GFPT2: variants seen among roughly 807,000 people sequenced by gnomAD.
The protein encoded by GFPT2 is glutamine--fructose-6-phosphate aminotransferase [isomerizing] 2.
Under a neutral mutation model 85.6 loss-of-function variants are expected in GFPT2, and 62 were observed. The observed-to-expected ratio is 0.72, with a 90% CI of 0.59 to 0.90. The LOEUF (loss-of-function observed/expected upper bound fraction) is 0.90. Among genes scored for constraint, GFPT2 ranks in the 40% least tolerant of loss-of-function variants. The probability of loss-of-function intolerance (pLI) is 0.00; values close to 1 mark genes in which losing one functional copy is unlikely to be tolerated. For synonymous variants in GFPT2, 368 were observed against 344.5 expected, an observed-to-expected ratio of 1.07 and a Z score of -0.75; for missense variants, 788 against 893.4, an observed-to-expected ratio of 0.88 and a Z score of 1.50.
intron 4 of GFPT2, among the ~76,000 whole-genome samples, chr5:180,333,965 C>A (rs887784566): frequency 6.6e-6 from 1 of 152,262 alleles, no homozygotes; most frequent in Middle Eastern, 3.4e-3. Flanking sequence ...CATCTCAGGG[C>A]ACATGGTCTG....
rs752973540 is a variant in GFPT2 at position 180,329,826 on chromosome 5, C to T, written c.534+874G>A. On this transcript the variant is annotated intron_variant, in intron 6 of 18. Coordinates refer to ENST00000253778, the MANE Select transcript of GFPT2 (RefSeq NM_005110.4). ...GAGGCCCGGACCCCTCTCGTCCTCC[C>T]GCACCCTGCATGGGCCTGTGTCTGC... 3.3e-5 allele frequency among the ~76,000 whole-genome samples: 5 copies of T among 152,320 alleles called. No homozygotes were observed. In the East Asian group the frequency reaches 5.8e-4, roughly 18 times the overall value.
In GFPT2 at chr5:180,316,825, A is replaced by G; in HGVS notation, c.1091T>C (p.Ile364Thr). 1 of 1,614,108 alleles carries G rather than the reference A, an allele frequency of 6.2e-7. No homozygotes were observed. The highest frequency in any genetic ancestry group is 1.1e-5 in the South Asian group (1 of 91,078). ...CACGATGAGCCGTCGGCATCGTCGA[A>G]TCTCCTTCAAGTGGTCCTTCAAGCC... ...LGGLKDHLKE[I>T]RRCRRLIVIG... The change falls in exon 12 of 19, where the codon ATT becomes ACT. Residue 364 changes from isoleucine (I) to threonine (T), a missense_variant. Transcript: ENST00000253778.
At chr5:180,301,690 T>A in intron 18 of GFPT2, 82 bp from the exon 19 acceptor site, 1 of 1,177,166 alleles carries the variant, frequency 8.5e-7, no homozygotes, top group Non-Finnish European at 1.3e-6. Flanking sequence ...TCAGAGTACT[T>A]AAAAACAAGA....
Position 180,328,705 on chromosome 5 carries a change from CCT to C in GFPT2, c.535-369_535-368del, listed in dbSNP as rs1442595062. 6.6e-6 allele frequency among the ~76,000 whole-genome samples: 1 copy of C among 152,188 alleles called. No homozygotes were observed. The highest frequency in any genetic ancestry group is 1.5e-5 in the Non-Finnish European group (1 of 68,032). On this transcript the variant is annotated intron_variant, in intron 6 of 18. Transcript: ENST00000253778. The surrounding 1 kb of genome is among the most constrained non-coding windows in gnomAD (Gnocchi z 5.4). ...AGGGACAGCACCTACTCAGCAAGCC[CCT>C]GTGAAGTGCACTTTAGCTCAACACA...
chr5:180,301,589 A>G lies in GFPT2; in HGVS notation c.2024T>C (p.Leu675Pro). 1 of 1,613,866 alleles carries G rather than the reference A, an allele frequency of 6.2e-7. No homozygotes were observed. Among genetic ancestry groups the G allele is most frequent in the East Asian group, 2.2e-5 (1 of 44,882 alleles). ...RGYDVDFPRN[L>P]AKSVTVE ...TCATTCCACAGTTACAGACTTGGCCAGATTTCTGGGGAAGTCAACCTAAAA... is the reference window on the plus strand; with the variant it reads ...TCATTCCACAGTTACAGACTTGGCCGGATTTCTGGGGAAGTCAACCTAAAA... Residue 675 changes from leucine to proline, a missense_variant, in exon 19 of 19, where the codon CTG becomes CCG. Leu to Pro is a moderately conservative substitution (Grantham distance 98, BLOSUM62 -3). Coordinates refer to ENST00000253778, the MANE Select transcript of GFPT2 (RefSeq NM_005110.4).
At chr5:180,348,744 T>G (rs1412945205) in intron 1 of GFPT2, among the ~76,000 whole-genome samples, 3 of 151,860 alleles carry the variant, frequency 2.0e-5, no homozygotes, top group African/African-American at 4.8e-5. Flanking sequence ...TTTTTTTTTT[T>G]TTTGTTTTCT....
intron 7 of GFPT2, among the ~76,000 whole-genome samples, chr5:180,325,809 G>A (rs533770069): frequency 9.2e-5 from 14 of 152,342 alleles, no homozygotes; most frequent in African/African-American, 2.4e-4. Context: ...CGCAGATCAC[G>A]AGATCAGGAG....
At chr5:180,310,720 A>T (rs1327516814) in intron 15 of GFPT2, among the ~76,000 whole-genome samples, 1 of 151,278 alleles carries the variant, frequency 6.6e-6, no homozygotes, top group African/African-American at 2.4e-5. Context: ...CATCAAGGCC[A>T]TTCTTAAGGG....
At position 180,318,844 on chromosome 5, in the gene GFPT2, G is replaced by A. The variant is rs1764063822; in HGVS notation, c.907C>T (p.Pro303Ser). 3 of 1,614,012 alleles carry A rather than the reference G, an allele frequency of 1.9e-6. No individual in the cohort carries two copies. In the African/African-American group the frequency reaches 4.0e-5, roughly 22 times the overall value. Residue 303 changes from proline (P) to serine (S), a missense_variant, in exon 10 of 19, where the codon CCA (proline) becomes TCA (serine). Physicochemically the swap from Pro to Ser is moderately conservative, Grantham distance 74 (BLOSUM62 -1). Transcript: ENST00000253778. This position sits in a 1 kb window ranked among gnomAD's most constrained non-coding sequence, Gnocchi z 4.2. ...HRVKRSASDD[P>S]SRAIQTLQME... ...TGCAAGGTCTGGATGGCTCGAGATG[G>A]GTCATCACTGGCCGAGCGCTTGACC...
chr5:180,335,201 A>C (rs1391031733), intron 4 of GFPT2, among the ~76,000 whole-genome samples: 1 of 152,242 alleles, frequency 6.6e-6, no homozygotes, highest in Non-Finnish European at 1.5e-5. Context: ...ACTTTTATGC[A>C]CAGTGGTTCT....
chr5:180,307,370 C>A (rs990556940), intron 15 of GFPT2, 67 bp from the exon 16 acceptor site: 1 of 1,532,380 alleles, frequency 6.5e-7, no homozygotes, highest in Admixed American at 1.7e-5. Context: ...TTCATGAAGA[C>A]AAATGCTGGG....
intron 1 of GFPT2, among the ~76,000 whole-genome samples, chr5:180,350,149 T>A (rs1442742093): frequency 1.3e-5 from 2 of 152,164 alleles, no homozygotes; most frequent in East Asian, 1.9e-4. Context: ...CTGCCTCTGT[T>A]GTGCAGAGTC....
intron 1 of GFPT2, among the ~76,000 whole-genome samples, chr5:180,346,092 T>A (rs1764602123): frequency 6.6e-6 from 1 of 151,898 alleles, no homozygotes; most frequent in Non-Finnish European, 1.5e-5. Context: ...TAAACCACCA[T>A]CTACAGTGGC....
rs566684005 is a variant in GFPT2, at chr5:180,314,609, T to A, written c.1274-645A>T. On this transcript the variant is annotated intron_variant, in intron 13 of 18. Transcript: ENST00000253778. ...ATCCTCATGAGTCGGGAGGCTGTTCTGTTTGCAGGGCCACTGCTCTTGGCT... is the reference window on the plus strand; with the variant it reads ...ATCCTCATGAGTCGGGAGGCTGTTCAGTTTGCAGGGCCACTGCTCTTGGCT... Among the ~76,000 whole-genome samples the A allele has an allele frequency of 2.6e-5, 4 of 152,340 alleles. No homozygotes were observed. In the South Asian group the frequency reaches 6.2e-4, roughly 24 times the overall value.
At chr5:180,351,201 C>G (rs1478562892) in intron 1 of GFPT2, among the ~76,000 whole-genome samples, 2 of 152,202 alleles carry the variant, frequency 1.3e-5, no homozygotes, top group African/African-American at 2.4e-5. Context: ...CATCATCCCC[C>G]CCAAACAGAC....
At chr5:180,321,039 T>C (rs564076215) in intron 9 of GFPT2, among the ~76,000 whole-genome samples, 7 of 152,188 alleles carry the variant, frequency 4.6e-5, no homozygotes, top group African/African-American at 1.7e-4. Flanking sequence ...GTATGCTTTG[T>C]ATAAAAGTGT....
In GFPT2 at chr5:180,302,504, A is replaced by G; in HGVS notation, c.1923T>C (p.Thr641=). 1 of 1,614,088 alleles carries G rather than the reference A, an allele frequency of 6.2e-7. No homozygotes were observed. The highest frequency in any genetic ancestry group is 8.5e-7 in the Non-Finnish European group (1 of 1,179,934). ...TCAGGATGCCCTGGAGGCAGTCCAC[A>G]GTGTGGGGCAGCTCAATTGTCTTAT... is the stretch of plus-strand genomic sequence containing the variant. ...FAYKTIELPH[T]VDCLQGILSV... is the part of the protein sequence containing the mutation. Residue 641 remains threonine, a synonymous_variant, in exon 18 of 19, where the codon ACT becomes ACC. Coordinates refer to ENST00000253778, the MANE Select transcript of GFPT2 (RefSeq NM_005110.4).
intron 17 of GFPT2, among the ~76,000 whole-genome samples, chr5:180,302,885 C>T (rs1203884418): frequency 2.0e-5 from 3 of 152,116 alleles, no homozygotes; most frequent in Non-Finnish European, 4.4e-5. Flanking sequence ...TAGCGGGGCT[C>T]ATAGTCTAGT....
At chr5:180,353,171 A>C in intron 1 of GFPT2, 40 bp downstream of exon 1, 1 of 1,230,534 alleles carries the variant, frequency 8.1e-7, no homozygotes, top group East Asian at 3.2e-5. Context: ...GGACCCGCGG[A>C]CGGCGTGGAG....
Sources: allele counts gnomAD v4.1 joint callset (sites outside exome capture counted in the v4.1 genomes callset), GRCh38; gene constraint gnomAD v4.1.1; non-coding constraint Gnocchi (gnomAD v3.1); transcripts MANE v1.5; gene names NCBI Gene and HGNC (gene_info 2026-07-23, HGNC 2026-07-21).